PGM2L1: variants seen among roughly 807,000 people sequenced by gnomAD.
The protein encoded by PGM2L1 is phosphoglucomutase 2 like 1, also known as glucose 1,6-bisphosphate synthase.
A neutral mutation model predicts 73.4 loss-of-function variants in PGM2L1; 35 were observed. That is an observed-to-expected ratio of 0.48 (90% CI 0.36 to 0.63). The LOEUF is 0.63. PGM2L1 is among the 30% of genes least tolerant of loss of function. The probability of loss-of-function intolerance (pLI) is 0.00; values close to 1 mark genes in which losing one functional copy is unlikely to be tolerated. For missense variants in PGM2L1, 570 were observed against 742.0 expected (o/e 0.77, Z 2.69); for synonymous variants, 225 against 253.8 (o/e 0.89, Z 1.08).
chr11:74,398,010 G>A (rs1863205906), intron 1 of PGM2L1, 41 bp downstream of exon 1: 1 of 1,567,818 alleles, frequency 6.4e-7, no homozygotes, highest in African/African-American at 1.3e-5. Flanking sequence ...CAGACTGTGT[G>A]GGGGAGGCGA....
intron 5 of PGM2L1, among the ~76,000 whole-genome samples, chr11:74,357,702 T>C (rs1435475039): frequency 6.6e-6 from 1 of 152,246 alleles, no homozygotes; most frequent in African/African-American, 2.4e-5. Context: ...TGAAGACTTA[T>C]GTCCATACTA....
At chr11:74,368,353 G>T in intron 5 of PGM2L1, 139 bp downstream of exon 5, 1 of 634,458 alleles carries the variant, frequency 1.6e-6, no homozygotes, top group Non-Finnish European at 2.7e-6. Flanking sequence ...CATTCTTTGA[G>T]GACCAGCCTC....
chr11:74,351,560 C>T lies in PGM2L1; in HGVS notation c.572G>A (p.Gly191Asp), dbSNP rs1862354186. ...ATCATGAGGAGATGTGATCTGAGCA[C>T]CAGTTTCCCAGTAAACCTAGATGAT... ...DNGYKVYWET[G>D]AQITSPHDKE... Residue 191 changes from glycine to aspartate, a missense_variant, in exon 6 of 14, where the codon GGT (glycine) becomes GAT (aspartate). Physicochemically the swap from Gly to Asp is moderately conservative, Grantham distance 94. Coordinates refer to ENST00000298198, the MANE Select transcript of PGM2L1 (RefSeq NM_173582.6). 1 of 1,600,958 alleles carries T rather than the reference C, an allele frequency of 6.2e-7. No homozygotes were observed. The highest frequency in any genetic ancestry group is 8.5e-7 in the Non-Finnish European group (1 of 1,175,252).
chr11:74,343,437 C>A (rs769762471), intron 9 of PGM2L1, 21 bp from the exon 10 acceptor site: 1 of 1,602,250 alleles, frequency 6.2e-7, no homozygotes, highest in Non-Finnish European at 8.5e-7. Context: ...GAGGAGGCCA[C>A]TCTAGTTAAG....
intron 5 of PGM2L1, among the ~76,000 whole-genome samples, chr11:74,363,915 A>G (rs1145686): frequency 0.02 from 2,972 of 152,290 alleles, 104 homozygotes; most frequent in African/African-American, 0.068. Context: ...ACAAAAAAAA[A>G]GAGAATTTTA....
At chr11:74,342,694 CTT>C in intron 11 of PGM2L1, 44 bp from the exon 12 acceptor site, 1 of 1,451,428 alleles carries the variant, frequency 6.9e-7, no homozygotes, top group Non-Finnish European at 9.2e-7. Flanking sequence ...TCAGATAACT[CTT>C]TAAAAAAGCA....
chr11:74,378,755 A>G (rs1862894608), intron 1 of PGM2L1, among the ~76,000 whole-genome samples: 1 of 152,230 alleles, frequency 6.6e-6, no homozygotes, highest in East Asian at 1.9e-4. Context: ...CAAAGAAAAC[A>G]TGAAAGAATT....
intron 2 of PGM2L1, among the ~76,000 whole-genome samples, chr11:74,373,453 A>G (rs1365304064): frequency 2.0e-5 from 3 of 152,234 alleles, no homozygotes; most frequent in Non-Finnish European, 4.4e-5. Flanking sequence ...AATTAGAATT[A>G]TGTCTACTGA....
intron 6 of PGM2L1, among the ~76,000 whole-genome samples, chr11:74,348,068 C>T (rs187013235): frequency 3.9e-5 from 6 of 152,180 alleles, no homozygotes; most frequent in African/African-American, 7.2e-5. Flanking sequence ...CACACCAAAC[C>T]GACAACCCAT....
rs1256842584 is a variant in PGM2L1, at chr11:74,333,624, A to G, written c.*3028T>C. On this transcript the variant is annotated 3_prime_UTR_variant, in exon 14 of 14. Coordinates refer to ENST00000298198, the MANE Select transcript of PGM2L1 (RefSeq NM_173582.6). The stretch of plus-strand genomic sequence containing the variant: ...CCTTGGCCTCATTTTAGTGATCACA[A>G]TAAAGGAAAATGGTAGGTGCATACT... 3.3e-5 allele frequency: 5 copies of G among 152,344 alleles called. No individual in the cohort carries two copies. The highest frequency in any genetic ancestry group is 2.1e-4 in the South Asian group (1 of 4,832). 9.4% of individuals were successfully genotyped at this position (152,344 alleles called of 1,614,324 possible).
chr11:74,340,496 T>C (rs1862166939), intron 12 of PGM2L1, among the ~76,000 whole-genome samples: 2 of 152,198 alleles, frequency 1.3e-5, no homozygotes, highest in Admixed American at 1.3e-4. Context: ...GGAATATGGG[T>C]ACTATTCTAC....
chr11:74,360,679 G>T (rs1462516608), intron 5 of PGM2L1, among the ~76,000 whole-genome samples: 1 of 152,134 alleles, frequency 6.6e-6, no homozygotes, highest in East Asian at 1.9e-4. Flanking sequence ...GGTGGCACCT[G>T]GAAAATCGGG....
chr11:74,342,785 A>T (rs1164153188), intron 11 of PGM2L1, 100 bp downstream of exon 11: 6 of 1,401,324 alleles, frequency 4.3e-6, no homozygotes, highest in Admixed American at 2.5e-5. Context: ...AATACTTTTT[A>T]AAAAAGGATC....
intron 2 of PGM2L1, among the ~76,000 whole-genome samples, chr11:74,372,940 C>T (rs900330652): frequency 1.1e-4 from 17 of 152,008 alleles, no homozygotes; most frequent in African/African-American, 3.4e-4. Flanking sequence ...CCTCATAGAC[C>T]CTCATATTAA....
intron 4 of PGM2L1, among the ~76,000 whole-genome samples, chr11:74,370,066 C>G (rs79792742): frequency 0.032 from 4,802 of 152,154 alleles, 254 homozygotes; most frequent in African/African-American, 0.11. Context: ...GTTCTTTTTA[C>G]AAAGAAATAA....
At chr11:74,354,831 A>C in intron 5 of PGM2L1, 1 of 911,968 alleles carries the variant, frequency 1.1e-6, no homozygotes, top group Non-Finnish European at 1.8e-6. Context: ...AGTATGGGAA[A>C]AAAATGAAGC....
rs10793077 is a variant in PGM2L1, at chr11:74,351,776, C to T, written c.556-200G>A. Among the ~76,000 whole-genome samples, 82,284 of 151,192 alleles carry T rather than the reference C, an allele frequency of 0.54. 24,578 individuals carry two copies. Among genetic ancestry groups the T allele is most frequent in the East Asian group, 0.8 (4,139 of 5,142 alleles). ...AGCAGATCGAGACCATCCTGGCTAA[C>T]GTGGTGAAACCCTGTCTCTACTAAA... On this transcript the variant is annotated intron_variant, in intron 5 of 13. Transcript: ENST00000298198.
intron 2 of PGM2L1, among the ~76,000 whole-genome samples, chr11:74,374,003 A>C (rs1862814544): frequency 7.2e-6 from 1 of 138,974 alleles, no homozygotes; most frequent in Non-Finnish European, 1.5e-5. Flanking sequence ...TGGGAAATAA[A>C]GTTTTGTGTG....
intron 5 of PGM2L1, among the ~76,000 whole-genome samples, chr11:74,367,604 G>C (rs886555755): frequency 6.6e-6 from 1 of 151,958 alleles, no homozygotes; most frequent in Non-Finnish European, 1.5e-5. Flanking sequence ...TACTCTCTCT[G>C]GGCTACTCAT....
Sources: gnomAD v4.1 joint callset for allele counts (sites outside exome capture counted in the v4.1 genomes callset) on GRCh38, gnomAD v4.1.1 for gene constraint, MANE v1.5 for transcripts, NCBI Gene and HGNC (gene_info 2026-07-23, HGNC 2026-07-21) for gene names.